Variants in SOX5 observed in about 807,000 individuals in gnomAD.
The protein encoded by SOX5 is transcription factor SOX-5.
In SOX5, 9 loss-of-function variants were observed where a neutral mutation model predicts 92.0. That is an observed-to-expected ratio of 0.10 (90% confidence interval 0.06 to 0.17). The LOEUF is 0.17. SOX5 is among the 10% of genes least tolerant of loss of function. The probability of loss-of-function intolerance (pLI) is 1.00; values close to 1 mark genes in which losing one functional copy is unlikely to be tolerated. For synonymous variants in SOX5, 344 were observed against 336.3 expected (o/e 1.02, Z -0.25); for missense variants, 642 against 944.5 (o/e 0.68, Z 4.20).
intron 4 of SOX5, among the ~76,000 whole-genome samples, chr12:24,207,934 C>T (rs1159273938): frequency 6.6e-6 from 1 of 152,166 alleles, no homozygotes; most frequent in Non-Finnish European, 1.5e-5. Context: ...TATAAAGACT[C>T]TCAAAACAAT....
chr12:24,317,894 C>T (rs1393141880), intron 2 of SOX5, among the ~76,000 whole-genome samples: 2 of 152,104 alleles, frequency 1.3e-5, no homozygotes, highest in Non-Finnish European at 2.9e-5. Context: ...TTCGCTCTTC[C>T]CTTATTCAAA....
chr12:24,062,352 G>T (rs191890188), intron 4 of SOX5, among the ~76,000 whole-genome samples: 1 of 152,318 alleles, frequency 6.6e-6, no homozygotes, highest in Admixed American at 6.5e-5. Context: ...CTTTACCATT[G>T]ATAGTTTATG....
rs764681203 is a variant in SOX5 at position 24,095,128 on chromosome 12, C to CAGAGAGAGAGAGAGAG, written c.-2+118199_-2+118214dup. On this transcript the variant is annotated intron_variant, in intron 4 of 4. Coordinates refer to the SOX5 transcript ENST00000446891. ...ACACACACACACACACACACACACA[C>CAGAGAGAGAGAGAGAG]AGAGAGAGAGAGAGAGAGAGAGAGA... Among the ~76,000 whole-genome samples the CAGAGAGAGAGAGAGAG allele has an allele frequency of 8.4e-4, 76 of 90,214 alleles. 1 individual carries two copies. The highest frequency in any genetic ancestry group is 4.4e-3 in the East Asian group (15 of 3,384). The allele number at this position is 90,214 out of a possible 152,430, so 59.2% of individuals were successfully genotyped here.
chr12:23,621,225 A>G (rs184662461), intron 8 of SOX5, among the ~76,000 whole-genome samples: 1 of 152,228 alleles, frequency 6.6e-6, no homozygotes, highest in Admixed American at 6.5e-5. Flanking sequence ...ACACAAAAGG[A>G]CAAGGTACTT....
chr12:24,235,999 T>A (rs542062687), intron 3 of SOX5, among the ~76,000 whole-genome samples: 1 of 151,906 alleles, frequency 6.6e-6, no homozygotes, highest in Non-Finnish European at 1.5e-5. Context: ...ACAATCCTGG[T>A]TAACATGGTA....
chr12:24,206,206 G>T (rs1958002866), intron 4 of SOX5, among the ~76,000 whole-genome samples: 1 of 152,140 alleles, frequency 6.6e-6, no homozygotes, highest in Non-Finnish European at 1.5e-5. Flanking sequence ...TTGCCTTACT[G>T]GTAGAAGAAA....
chr12:24,004,029 G>A (rs1381991151), intron 4 of SOX5, among the ~76,000 whole-genome samples: 2 of 151,950 alleles, frequency 1.3e-5, no homozygotes, highest in African/African-American at 4.8e-5. Flanking sequence ...TTGCACTAAG[G>A]TGCCAAAGCA....
At chr12:24,363,738 C>A (rs1955857068) in intron 2 of SOX5, among the ~76,000 whole-genome samples, 1 of 150,074 alleles carries the variant, frequency 6.7e-6, no homozygotes, top group African/African-American at 2.5e-5. Flanking sequence ...AAGTCTGATT[C>A]ATCTTAGGTG....
At chr12:23,803,453 A>C (rs1357916396) in intron 3 of SOX5, among the ~76,000 whole-genome samples, 1 of 152,112 alleles carries the variant, frequency 6.6e-6, no homozygotes, top group African/African-American at 2.4e-5. Context: ...ATATTTCTGA[A>C]ATTCTTGCTC....
chr12:23,678,976 G>A (rs994858611), intron 6 of SOX5, among the ~76,000 whole-genome samples: 1 of 152,142 alleles, frequency 6.6e-6, no homozygotes, highest in South Asian at 2.1e-4. Context: ...CCTTGACACA[G>A]CATGAAAATA....
chr12:23,982,753 T>C (rs1027188160), intron 4 of SOX5, among the ~76,000 whole-genome samples: 4 of 152,006 alleles, frequency 2.6e-5, no homozygotes, highest in Non-Finnish European at 5.9e-5. Context: ...ATAATTTATT[T>C]AACCTAATAT....
intron 4 of SOX5, among the ~76,000 whole-genome samples, chr12:23,977,623 A>G (rs1429420931): frequency 7.3e-6 from 1 of 137,722 alleles, no homozygotes; most frequent in Non-Finnish European, 1.6e-5. Flanking sequence ...AGATCGCACC[A>G]CTGCACTCCA....
intron 1 of SOX5, among the ~76,000 whole-genome samples, chr12:23,941,579 C>A (rs1230134249): frequency 6.6e-6 from 1 of 151,430 alleles, no homozygotes; most frequent in African/African-American, 2.4e-5. Flanking sequence ...TCATAGTTAT[C>A]TTTCTTTTAC....
chr12:24,130,843 A>T (rs1417115880), intron 4 of SOX5, among the ~76,000 whole-genome samples: 3 of 152,122 alleles, frequency 2.0e-5, no homozygotes, highest in Admixed American at 1.3e-4. Context: ...TGGATAACTC[A>T]AAGACTGCCA....
chr12:24,121,334 A>G (rs1158207493), intron 4 of SOX5, among the ~76,000 whole-genome samples: 2 of 152,186 alleles, frequency 1.3e-5, no homozygotes, highest in East Asian at 3.8e-4. Flanking sequence ...AAACAAACTC[A>G]TGCTAATTTG....
intron 4 of SOX5, among the ~76,000 whole-genome samples, chr12:24,194,740 T>G (rs1044773249): frequency 6.6e-6 from 1 of 152,128 alleles, no homozygotes; most frequent in Non-Finnish European, 1.5e-5. Flanking sequence ...AGACATCTAT[T>G]GAAGCTCTGT....
chr12:24,348,364 C>CTATTTATTTATT (rs55635240), intron 2 of SOX5, among the ~76,000 whole-genome samples: 62,201 of 142,436 alleles, frequency 0.44, 15,079 homozygotes, highest in Non-Finnish European at 0.56. Context: ...CTATTGACTC[C>CTATTTATTTATT]TATTTATTTA....
intron 1 of SOX5, among the ~76,000 whole-genome samples, chr12:24,386,651 CT>C (rs1478758643): frequency 6.6e-5 from 10 of 152,070 alleles, no homozygotes; most frequent in African/African-American, 2.4e-4. Context: ...AGAACAATAG[CT>C]TTTTACAATA....
chr12:23,925,454 A>G (rs1939693900), intron 1 of SOX5, among the ~76,000 whole-genome samples: 1 of 152,058 alleles, frequency 6.6e-6, no homozygotes, highest in East Asian at 1.9e-4. Flanking sequence ...TTCACAGGCA[A>G]TTTCAGAATA....
Sources: gnomAD v4.1 joint callset for allele counts (sites outside exome capture counted in the v4.1 genomes callset) on GRCh38, gnomAD v4.1.1 for gene constraint, MANE v1.5 for transcripts, NCBI Gene and HGNC (gene_info 2026-07-23, HGNC 2026-07-21) for gene names.